LGR4: variants seen among roughly 807,000 people sequenced by gnomAD.
LGR4 encodes the protein leucine-rich repeat-containing G protein-coupled receptor 4.
A neutral mutation model predicts 84.8 loss-of-function variants in LGR4; 44 were observed. The observed-to-expected ratio is 0.52, with a 90% CI of 0.41 to 0.67. The LOEUF (loss-of-function observed/expected upper bound fraction) is 0.67. LGR4 is among the 30% of genes least tolerant of loss of function. The pLI, the probability that LGR4 is intolerant of heterozygous loss-of-function variation, is 0.00. For synonymous variants in LGR4, 429 were observed against 434.3 expected, an observed-to-expected ratio of 0.99 and a Z score of 0.15; for missense variants, 1,032 against 1,131.4, an observed-to-expected ratio of 0.91 and a Z score of 1.26.
intron 1 of LGR4, among the ~76,000 whole-genome samples, chr11:27,455,180 G>A (rs930865944): frequency 5.9e-5 from 9 of 152,254 alleles, no homozygotes; most frequent in African/African-American, 2.2e-4. Context: ...GAGACTACAA[G>A]TGTGTGCCAC....
intron 4 of LGR4, 37 bp from the exon 5 acceptor site, chr11:27,385,505 T>G: frequency 7.1e-7 from 1 of 1,404,150 alleles, no homozygotes; most frequent in Non-Finnish European, 9.9e-7. Context: ...CAGTAACAAA[T>G]TCTAGTGAAA....
At chr11:27,416,304 A>G (rs1194979348) in intron 1 of LGR4, among the ~76,000 whole-genome samples, 1 of 152,172 alleles carries the variant, frequency 6.6e-6, no homozygotes, top group Non-Finnish European at 1.5e-5. Flanking sequence ...TACTACCACC[A>G]GCTGTGTGAT....
intron 1 of LGR4, among the ~76,000 whole-genome samples, chr11:27,419,380 G>A (rs1863881016): frequency 6.6e-6 from 1 of 151,570 alleles, no homozygotes; most frequent in Non-Finnish European, 1.5e-5. Context: ...CTTTTAGAAT[G>A]GCTAAATTTT....
chr11:27,377,565 G>T (rs1313747186), intron 11 of LGR4, among the ~76,000 whole-genome samples: 4 of 151,562 alleles, frequency 2.6e-5, no homozygotes, highest in Admixed American at 2.6e-4. Context: ...AAATTTAAGT[G>T]GTAAAGCTAC....
At chr11:27,410,035 C>T (rs1863681366) in intron 2 of LGR4, among the ~76,000 whole-genome samples, 1 of 152,164 alleles carries the variant, frequency 6.6e-6, no homozygotes, top group African/African-American at 2.4e-5. Context: ...ATAGTAGCAA[C>T]CACAGGCAGC....
rs531480880 is a variant in LGR4 at position 27,455,988 on chromosome 11, G to A, written c.185+16130C>T. Among the ~76,000 whole-genome samples, 78 of 152,284 alleles carry A rather than the reference G, an allele frequency of 5.1e-4. 1 individual carries two copies. Among genetic ancestry groups the A allele is most frequent in the Non-Finnish European group, 1.1e-3 (74 of 68,016 alleles). ...GCCTGGCATTCAATAACATTATTAT[G>A]AGCATCTAAGTTAATAACAAGAGGA... On this transcript the variant is annotated intron_variant, in intron 1 of 17. Transcript: ENST00000379214.
intron 1 of LGR4, among the ~76,000 whole-genome samples, chr11:27,463,606 T>C (rs867533839): frequency 6.6e-6 from 1 of 151,806 alleles, no homozygotes; most frequent in African/African-American, 2.4e-5. Context: ...GCCAACATGG[T>C]GAAACCCCGT....
chr11:27,403,389 T>TGG (rs1863541468), intron 2 of LGR4, among the ~76,000 whole-genome samples: 1 of 152,138 alleles, frequency 6.6e-6, no homozygotes, highest in Non-Finnish European at 1.5e-5. Context: ...GAGGTCAAGG[T>TGG]TGCAGTGAGC....
rs764775020 is a variant in LGR4, at chr11:27,385,237, A to G, written c.617+16T>C. On this transcript the variant is annotated intron_variant, in intron 5 of 17. Coordinates refer to ENST00000379214, the MANE Select transcript of LGR4 (RefSeq NM_018490.5). ...ATTAACACAAATATATGGAATTAAA[A>G]GGGATAGATACTTACAGAACTACCA... The G allele has an allele frequency of 2.6e-5, 39 of 1,474,860 alleles. No individual in the cohort carries two copies. Among genetic ancestry groups the G allele is most frequent in the Non-Finnish European group, 3.4e-5 (37 of 1,093,014 alleles). The allele number at this position is 1,474,860 out of a possible 1,614,324, so 91.4% of individuals were successfully genotyped here. A position where few individuals can be genotyped will look rare whatever the true frequency, so the allele number is the denominator to read the frequency against.
At chr11:27,452,338 A>T (rs562869070) in intron 1 of LGR4, among the ~76,000 whole-genome samples, 236 of 152,268 alleles carry the variant, frequency 1.5e-3, no homozygotes, top group Non-Finnish European at 2.9e-3. Context: ...GCTTTTCCCA[A>T]TGGCAACATC....
chr11:27,387,027 T>C (rs1377367061), intron 4 of LGR4, among the ~76,000 whole-genome samples: 1 of 152,150 alleles, frequency 6.6e-6, no homozygotes, highest in East Asian at 1.9e-4. Context: ...CAAACATGTG[T>C]GCACACACAC....
intron 1 of LGR4, among the ~76,000 whole-genome samples, chr11:27,425,482 G>A (rs952103325): frequency 1.2e-4 from 18 of 151,806 alleles, no homozygotes; most frequent in Non-Finnish European, 2.1e-4. Flanking sequence ...AGGCATGCAG[G>A]GGCTGATTTT....
intron 4 of LGR4, among the ~76,000 whole-genome samples, chr11:27,386,949 A>G (rs1047070535): frequency 2.0e-5 from 3 of 152,226 alleles, no homozygotes; most frequent in African/African-American, 4.8e-5. Context: ...TACTGGCTAC[A>G]GAGCGGCAAA....
chr11:27,369,835 T>C (rs1862847303), intron 17 of LGR4, among the ~76,000 whole-genome samples: 1 of 152,150 alleles, frequency 6.6e-6, no homozygotes, highest in South Asian at 2.1e-4. Context: ...AGTATAATTA[T>C]CCCCATTTTT....
At chr11:27,377,037 G>A (rs1862996939) in intron 12 of LGR4, 121 bp downstream of exon 12, 1 of 570,360 alleles carries the variant, frequency 1.8e-6, no homozygotes, top group Admixed American at 3.2e-5. Context: ...GTTATTTATG[G>A]GAACATCTGA....
chr11:27,372,158 C>T, intron 16 of LGR4, 125 bp downstream of exon 16: 1 of 698,392 alleles, frequency 1.4e-6, no homozygotes, highest in South Asian at 1.7e-5. Flanking sequence ...AGCCATCACA[C>T]CTGGCCAGAC....
chr11:27,464,955 G>A (rs1324629968), intron 1 of LGR4, among the ~76,000 whole-genome samples: 2 of 151,570 alleles, frequency 1.3e-5, no homozygotes, highest in Non-Finnish European at 2.9e-5. Context: ...AGGGGTTTAC[G>A]CAGCCTTTTA....
intron 1 of LGR4, among the ~76,000 whole-genome samples, chr11:27,464,016 A>C (rs908210804): frequency 6.6e-6 from 1 of 152,244 alleles, no homozygotes. Flanking sequence ...TGAAGAGCAC[A>C]TGAACAGTTT....
intron 5 of LGR4, among the ~76,000 whole-genome samples, chr11:27,384,702 AG>A (rs1220594361): frequency 6.6e-5 from 10 of 152,346 alleles, no homozygotes; most frequent in African/African-American, 2.4e-4. Flanking sequence ...ATCAAAATAA[AG>A]TTTTGATTAG....
Sources: gnomAD v4.1 joint callset for allele counts (sites outside exome capture counted in the v4.1 genomes callset) on GRCh38, gnomAD v4.1.1 for gene constraint, MANE v1.5 for transcripts, NCBI Gene and HGNC (gene_info 2026-07-23, HGNC 2026-07-21) for gene names.